Variants in UBE2W observed in about 807,000 individuals in gnomAD.
UBE2W encodes the protein ubiquitin-conjugating enzyme E2 W.
In UBE2W, 18 loss-of-function variants were observed where a neutral mutation model predicts 27.2. That is an observed-to-expected ratio of 0.66 (90% CI 0.46 to 0.98). UBE2W has a LOEUF of 0.98. Ranked by LOEUF, UBE2W falls within the 50% of genes least tolerant of loss-of-function variation. UBE2W has a pLI of 0.00. For missense variants in UBE2W, 90 were observed against 180.2 expected (o/e 0.50, Z 2.87); for synonymous variants, 53 against 57.2 (o/e 0.93, Z 0.33).
chr8:73,864,954 A>G (rs1469985941), intron 1 of UBE2W, among the ~76,000 whole-genome samples: 4 of 152,100 alleles, frequency 2.6e-5, no homozygotes, highest in Non-Finnish European at 5.9e-5. Context: ...CAAAAGCACT[A>G]TAACACATGC....
intron 1 of UBE2W, among the ~76,000 whole-genome samples, chr8:73,840,816 C>T (rs1160778809): frequency 1.3e-5 from 2 of 152,048 alleles, no homozygotes; most frequent in East Asian, 1.9e-4. Flanking sequence ...AGTTCAAACT[C>T]GTGTTGTTTC....
intron 3 of UBE2W, among the ~76,000 whole-genome samples, chr8:73,813,352 A>C (rs1222981180): frequency 6.6e-6 from 1 of 152,218 alleles, no homozygotes; most frequent in Non-Finnish European, 1.5e-5. Flanking sequence ...AGTAGAAAAC[A>C]CCTACAGCAG....
At chr8:73,859,101 T>C (rs1811436681) in intron 1 of UBE2W, among the ~76,000 whole-genome samples, 1 of 151,958 alleles carries the variant, frequency 6.6e-6, no homozygotes, top group Non-Finnish European at 1.5e-5. Context: ...ACAACACAGG[T>C]TTGAACTGCA....
rs912806779 is a variant in UBE2W at position 73,844,179 on chromosome 8, C to T, written c.16-13707G>A. On this transcript the variant is annotated intron_variant, in intron 1 of 5. Transcript: ENST00000602593. ...ATTCCCCTCCCCCTCCCCCTCTGCA[C>T]GGACTCCCTCTGATGCCAAGCCAAG... 1.1e-3 allele frequency among the ~76,000 whole-genome samples: 48 copies of T among 44,376 alleles called. 1 individual carries two copies. The highest frequency in any genetic ancestry group is 4.4e-3 in the African/African-American group (39 of 8,780). The allele number at this position is 44,376 out of a possible 152,430, so 29.1% of individuals were successfully genotyped here.
At position 73,786,498 on chromosome 8, in the gene UBE2W, C is replaced by T. The variant is rs1807960796; in HGVS notation, c.*7604G>A. On this transcript the variant is annotated 3_prime_UTR_variant, in exon 6 of 6. Coordinates refer to ENST00000602593, the MANE Select transcript of UBE2W (RefSeq NM_018299.6). ...AAACACAATTGCAACACTGTCCCTA[C>T]TGTTAAAAAGTTCAGGATAGATGAC... The T allele has an allele frequency of 6.1e-6, 6 of 985,318 alleles. No individual in the cohort carries two copies. Among genetic ancestry groups the T allele is most frequent in the Non-Finnish European group, 7.2e-6 (6 of 829,932 alleles). The allele number at this position is 985,318 out of a possible 1,614,324, so 61.0% of individuals were successfully genotyped here. A position where few individuals can be genotyped will look rare whatever the true frequency, so the allele number is the denominator to read the frequency against.
chr8:73,795,761 A>G (rs1480733881), intron 5 of UBE2W: 10 of 982,150 alleles, frequency 1.0e-5, no homozygotes, highest in South Asian at 4.7e-5. Context: ...TAAGAAAACA[A>G]GTAGTTTATA....
At chr8:73,830,145 T>A (rs984014903) in intron 2 of UBE2W, among the ~76,000 whole-genome samples, 8 of 144,150 alleles carry the variant, frequency 5.5e-5, no homozygotes, top group Non-Finnish European at 9.4e-5. Flanking sequence ...CAAAATTTTT[T>A]AAAAATGTAC....
downstream of UBE2W, among the ~76,000 whole-genome samples, chr8:73,783,344 A>G (rs1807875846): frequency 6.6e-6 from 1 of 152,116 alleles, no homozygotes; most frequent in South Asian, 2.1e-4. Context: ...TTTGCTCTCA[A>G]TTTAGGTCTA....
intron 3 of UBE2W, among the ~76,000 whole-genome samples, chr8:73,818,664 T>C (rs1358236469): frequency 6.6e-6 from 1 of 152,200 alleles, no homozygotes; most frequent in African/African-American, 2.4e-5. Flanking sequence ...AGGTGGGGCC[T>C]GGTGGGAGGT....
Position 73,789,070 on chromosome 8 carries a change from G to A in UBE2W, c.*5032C>T. 1.0e-6 allele frequency: 1 copy of A among 984,882 alleles called. No individual in the cohort carries two copies. The allele number at this position is 984,882 out of a possible 1,614,324, so 61.0% of individuals were successfully genotyped here. On this transcript the variant is annotated 3_prime_UTR_variant, in exon 6 of 6. Coordinates refer to ENST00000602593, the MANE Select transcript of UBE2W (RefSeq NM_018299.6). Reference sequence around the variant, plus strand: ...TAAAATTACAATTAACATCTCACCAGGATCAAAGAACCCTAACTTCAACTT... The same window carrying A: ...TAAAATTACAATTAACATCTCACCAAGATCAAAGAACCCTAACTTCAACTT...
At chr8:73,822,852 GC>G (rs1281462851) in intron 3 of UBE2W, among the ~76,000 whole-genome samples, 1 of 152,038 alleles carries the variant, frequency 6.6e-6, no homozygotes, top group Non-Finnish European at 1.5e-5. Flanking sequence ...AAAAGAATGG[GC>G]TACCTTTCAA....
intron 1 of UBE2W, among the ~76,000 whole-genome samples, chr8:73,866,982 C>T (rs919912217): frequency 4.1e-5 from 6 of 146,896 alleles, no homozygotes; most frequent in South Asian, 4.3e-4. Context: ...TCCAGCCTGG[C>T]GACAGAGCGA....
chr8:73,861,784 T>C (rs137895708), intron 1 of UBE2W, among the ~76,000 whole-genome samples: 3 of 152,304 alleles, frequency 2.0e-5, no homozygotes, highest in Admixed American at 6.5e-5. Flanking sequence ...CTCAGTTCAC[T>C]AAAACTGCTC....
rs1001798124 is a variant in UBE2W at position 73,780,476 on chromosome 8, T to C, written c.*4A>G. On this transcript the variant is annotated 3_prime_UTR_variant, in exon 5 of 5. Transcript: ENST00000523278. ...CTTCAACACATCTTATTGGAGGACA[T>C]GATTCAATCCGTAATAGATAGTATG... is the stretch of plus-strand genomic sequence containing the variant. 5 of 452,596 alleles carry C rather than the reference T, an allele frequency of 1.1e-5. No homozygotes were observed. The Admixed American group carries it at 1.2e-4, about 11-fold the overall frequency. 28.0% of individuals were successfully genotyped at this position (452,596 alleles called of 1,614,324 possible).
intron 5 of UBE2W, 51 bp downstream of exon 5, chr8:73,805,600 T>C: frequency 3.5e-6 from 4 of 1,145,760 alleles, no homozygotes; most frequent in Non-Finnish European, 4.8e-6. Flanking sequence ...CAAATATATA[T>C]AATCTTCATA....
intron 4 of UBE2W, among the ~76,000 whole-genome samples, chr8:73,807,994 T>A (rs1358027156): frequency 6.6e-6 from 1 of 152,214 alleles, no homozygotes; most frequent in East Asian, 1.9e-4. Flanking sequence ...TCAGAAATTA[T>A]CTTTAATCCA....
intron 5 of UBE2W, among the ~76,000 whole-genome samples, chr8:73,802,475 A>G (rs1252005696): frequency 6.6e-6 from 1 of 152,254 alleles, no homozygotes; most frequent in Admixed American, 6.5e-5. Flanking sequence ...AAGTTAAAGA[A>G]GCTGTACATT....
rs1808284108 is a variant in UBE2W, at chr8:73,793,427, T to C, written c.*675A>G. 6 of 985,858 alleles carry C rather than the reference T, an allele frequency of 6.1e-6. No individual in the cohort carries two copies. The highest frequency in any genetic ancestry group is 5.2e-4 in the Middle Eastern group (1 of 1,914). 61.1% of individuals were successfully genotyped at this position (985,858 alleles called of 1,614,324 possible). On this transcript the variant is annotated 3_prime_UTR_variant, in exon 6 of 6. Transcript: ENST00000602593. ...ATTTATTTTCACCATAGGGATAACA[T>C]ACTGTACCTCTCTGCCAATGTTACT...
At chr8:73,845,222 C>A (rs1156668728) in intron 1 of UBE2W, among the ~76,000 whole-genome samples, 1 of 152,206 alleles carries the variant, frequency 6.6e-6, no homozygotes, top group Admixed American at 6.5e-5. Flanking sequence ...TACCCAACAG[C>A]TCATTGAGAA....
Sources: gnomAD v4.1 joint callset for allele counts (sites outside exome capture counted in the v4.1 genomes callset) on GRCh38, gnomAD v4.1.1 for gene constraint, MANE v1.5 for transcripts, NCBI Gene and HGNC (gene_info 2026-07-23, HGNC 2026-07-21) for gene names.